The following STARD13 variants were observed in gnomAD, a reference collection of about 807,000 sequenced individuals.
STARD13 encodes the protein StAR related lipid transfer domain containing 13.
A neutral mutation model predicts 106.4 loss-of-function variants in STARD13; 62 were observed. The observed-to-expected ratio is 0.58, with a 90% confidence interval of 0.48 to 0.72. STARD13 has a LOEUF of 0.72. Ranked by LOEUF, STARD13 falls within the 30% of genes least tolerant of loss-of-function variation. STARD13 has a pLI of 0.00. For synonymous variants in STARD13, 565 were observed against 553.0 expected, an observed-to-expected ratio of 1.02 and a Z score of -0.31; for missense variants, 1,387 against 1,424.0, an observed-to-expected ratio of 0.97 and a Z score of 0.42.
chr13:33,642,864 C>T, the STARD13 span, among the ~76,000 whole-genome samples: 4 of 151,224 alleles, frequency 2.6e-5, no homozygotes, highest in Admixed American at 1.3e-4. Context: ...AAAAACCTCC[C>T]TACTTGCTTC....
chr13:33,367,907 CA>C, the STARD13 span, among the ~76,000 whole-genome samples: 1 of 152,106 alleles, frequency 6.6e-6, no homozygotes, highest in Non-Finnish European at 1.5e-5. Context: ...TAATCTCTCA[CA>C]ATTAGTGCAT....
chr13:33,328,133 T>C (rs2077797972), intron 1 of STARD13, among the ~76,000 whole-genome samples: 1 of 152,228 alleles, frequency 6.6e-6, no homozygotes, highest in African/African-American at 2.4e-5. Flanking sequence ...GTGTGAAAAT[T>C]GTTTTTCCAA....
chr13:33,129,270 G>A lies in STARD13; in HGVS notation c.1407C>T (p.Ala469=), dbSNP rs149686469. ...YDNVPGSHLY[A]STGDLLDLEK... is the part of the protein sequence containing the mutation. ...CCAAGTCCAAAAGATCTCCTGTGCT[G>A]GCATACAGATGGGAGCCAGGGACAT... Residue 469 remains alanine (A), a synonymous_variant, in exon 5 of 14, where the codon GCC becomes GCT. Transcript: ENST00000336934. 3.1e-6 allele frequency: 5 copies of A among 1,614,028 alleles called. No individual in the cohort carries two copies. In the African/African-American group the frequency reaches 6.7e-5, roughly 22 times the overall value.
chr13:33,304,037 C>A (rs536040385), intron 1 of STARD13, among the ~76,000 whole-genome samples: 2 of 152,326 alleles, frequency 1.3e-5, no homozygotes, highest in East Asian at 3.9e-4. Context: ...GATGACTTGG[C>A]ACAATGAAAG....
the STARD13 span, among the ~76,000 whole-genome samples, chr13:33,483,830 T>G: frequency 6.6e-6 from 1 of 152,236 alleles, no homozygotes. Context: ...ATTGGCTTTC[T>G]GTGCTGCAAG....
intron 1 of STARD13, among the ~76,000 whole-genome samples, chr13:33,217,075 G>T (rs370457603): frequency 2.0e-5 from 3 of 151,984 alleles, no homozygotes; most frequent in Admixed American, 6.6e-5. Context: ...TCACTGGACT[G>T]CCCCATATGT....
chr13:33,110,751 T>A lies in STARD13; in HGVS notation c.2764A>T (p.Lys922Ter). ...GTGACCCATCCTTTGAACTTCTCCT[T>A]GGCTTCTTTCTGGAGGCCCTGGATG... ...HLIQGLQKEA[K>*]EKFKGWVTCS... The change falls in exon 11 of 14, where the codon AAG becomes TAG. Residue 922 changes from lysine (K) to a stop codon, truncating the protein, a stop_gained. Coordinates refer to ENST00000336934, the MANE Select transcript of STARD13 (RefSeq NM_178006.4). LOFTEE classifies it high-confidence loss of function. 3 of 1,614,238 alleles carry A rather than the reference T, an allele frequency of 1.9e-6. No individual in the cohort carries two copies. The highest frequency in any genetic ancestry group is 2.5e-6 in the Non-Finnish European group (3 of 1,180,032).
At chr13:33,373,611 A>T in the STARD13 span, among the ~76,000 whole-genome samples, 2 of 152,164 alleles carry the variant, frequency 1.3e-5, no homozygotes, top group East Asian at 3.8e-4. Context: ...AACAGCAAGC[A>T]ACCCAATTAA....
intron 9 of STARD13, 62 bp downstream of exon 9, chr13:33,112,659 T>A: frequency 7.7e-7 from 1 of 1,304,540 alleles, no homozygotes; most frequent in South Asian, 1.5e-5. Flanking sequence ...ATCCATCCAG[T>A]CTTATGAACT....
intron 1 of STARD13, among the ~76,000 whole-genome samples, chr13:33,192,528 T>C (rs1445530233): frequency 2.0e-5 from 3 of 152,216 alleles, no homozygotes; most frequent in Admixed American, 6.5e-5. Context: ...TTATTGTTGA[T>C]ATCAGGTGTC....
At chr13:33,590,592 C>T in the STARD13 span, among the ~76,000 whole-genome samples, 3 of 150,990 alleles carry the variant, frequency 2.0e-5, no homozygotes, top group South Asian at 2.1e-4. Flanking sequence ...AGCAAACTAT[C>T]GCAAGGACAA....
intron 1 of STARD13, among the ~76,000 whole-genome samples, chr13:33,292,053 A>G (rs1322125449): frequency 3.3e-5 from 5 of 152,156 alleles, no homozygotes; most frequent in African/African-American, 1.2e-4. Context: ...TTATAAAAGT[A>G]AAAAATAAAC....
chr13:33,350,203 G>A, intron 1 of STARD13: 1 of 1,427,916 alleles, frequency 7.0e-7, no homozygotes, highest in Non-Finnish European at 9.1e-7. Flanking sequence ...CTGGAGCCCA[G>A]AGCAGAGGAG....
the STARD13 span, among the ~76,000 whole-genome samples, chr13:33,437,810 T>A: frequency 1.1e-4 from 17 of 152,192 alleles, no homozygotes; most frequent in African/African-American, 4.1e-4. Flanking sequence ...TCCATAAATA[T>A]TTATGTGAAA....
chr13:33,652,067 T>C, the STARD13 span, among the ~76,000 whole-genome samples: 2 of 152,258 alleles, frequency 1.3e-5, no homozygotes, highest in Non-Finnish European at 2.9e-5. Context: ...CCTGAATTCC[T>C]GACCCACAAG....
intron 1 of STARD13, among the ~76,000 whole-genome samples, chr13:33,212,233 G>A (rs1887764681): frequency 1.3e-5 from 2 of 152,110 alleles, no homozygotes; most frequent in Non-Finnish European, 2.9e-5. Context: ...CCCGAGCAGT[G>A]TGGTAGAAAA....
intron 1 of STARD13, among the ~76,000 whole-genome samples, chr13:33,168,085 A>G (rs1329100675): frequency 1.3e-5 from 2 of 152,072 alleles, no homozygotes; most frequent in African/African-American, 4.8e-5. Context: ...TTTAAGAAAG[A>G]CTACAACTAG....
chr13:33,248,344 A>C (rs7325029), intron 1 of STARD13, among the ~76,000 whole-genome samples: 58,519 of 152,140 alleles, frequency 0.38, 11,680 homozygotes, highest in Admixed American at 0.45. Context: ...CTCTCTAAAA[A>C]AAAGAAGAAG....
Position 33,350,560 on chromosome 13 carries a change from C to T in STARD13, c.-147G>A, listed in dbSNP as rs554753878. On this transcript the variant is annotated 5_prime_UTR_variant, in exon 1 of 2. Coordinates refer to the STARD13 transcript ENST00000439831. ...AATGCGGGCGCGACATGGGTCGGTC[C>T]GGCGCTGGGAGGCTGCGCCACGCGC... 89 of 1,408,808 alleles carry T rather than the reference C, an allele frequency of 6.3e-5. No homozygotes were observed. In the Admixed American group the frequency reaches 1.0e-3, roughly 16 times the overall value. The allele number at this position is 1,408,808 out of a possible 1,614,324, so 87.3% of individuals were successfully genotyped here. A position where few individuals can be genotyped will look rare whatever the true frequency, so the allele number is the denominator to read the frequency against.
Sources: allele counts gnomAD v4.1 joint callset (sites outside exome capture counted in the v4.1 genomes callset), GRCh38; gene constraint gnomAD v4.1.1; transcripts MANE v1.5; gene names NCBI Gene and HGNC (gene_info 2026-07-23, HGNC 2026-07-21).